NRXN3: variants seen among roughly 807,000 people sequenced by gnomAD.
NRXN3 encodes the protein neurexin III.
In NRXN3, 32 loss-of-function variants were observed where a neutral mutation model predicts 137.6. The observed-to-expected ratio is 0.23, with a 90% confidence interval of 0.18 to 0.31. The LOEUF (loss-of-function observed/expected upper bound fraction) is 0.31. Ranked by LOEUF, NRXN3 falls within the 10% of genes least tolerant of loss-of-function variation. The pLI, the probability that NRXN3 is intolerant of heterozygous loss-of-function variation, is 1.00. For synonymous variants in NRXN3, 798 were observed against 784.5 expected (o/e 1.02, Z -0.29); for missense variants, 1,574 against 2,062.5 (o/e 0.76, Z 4.59).
At chr14:78,603,444 G>T (rs114994804) in intron 4 of NRXN3, among the ~76,000 whole-genome samples, 3 of 152,192 alleles carry the variant, frequency 2.0e-5, no homozygotes, top group African/African-American at 7.2e-5. Flanking sequence ...CGTGCCACTT[G>T]TGAAAACACA....
intron 4 of NRXN3, among the ~76,000 whole-genome samples, chr14:78,539,075 G>GT (rs1600138423): frequency 6.6e-6 from 1 of 151,900 alleles, no homozygotes; most frequent in Non-Finnish European, 1.5e-5. Context: ...CTGAAATTCT[G>GT]TTTTTTTGTT....
chr14:79,282,211 T>TG, intron 15 of NRXN3, among the ~76,000 whole-genome samples: 1 of 149,436 alleles, frequency 6.7e-6, no homozygotes, highest in Middle Eastern at 3.4e-3. Context: ...GGAGAGGGAC[T>TG]GGGGGGAGCG....
At chr14:79,217,732 C>A (rs533065973) in intron 15 of NRXN3, among the ~76,000 whole-genome samples, 4 of 152,106 alleles carry the variant, frequency 2.6e-5, no homozygotes, top group Non-Finnish European at 5.9e-5. Flanking sequence ...CTCCCTCCCC[C>A]AGAAACACTG....
chr14:78,773,186 A>T (rs1394343517), intron 8 of NRXN3, among the ~76,000 whole-genome samples: 1 of 152,174 alleles, frequency 6.6e-6, no homozygotes, highest in African/African-American at 2.4e-5. Context: ...CTAATTCTGG[A>T]TGCTTTTGTG....
intron 14 of NRXN3, among the ~76,000 whole-genome samples, chr14:78,980,187 G>C (rs1031415002): frequency 1.1e-4 from 17 of 152,274 alleles, no homozygotes; most frequent in African/African-American, 4.1e-4. Flanking sequence ...GCCTCACCTG[G>C]TCCCCACTCC....
At chr14:78,217,170 A>G (rs1321168755) in intron 1 of NRXN3, among the ~76,000 whole-genome samples, 1 of 152,210 alleles carries the variant, frequency 6.6e-6, no homozygotes, top group Non-Finnish European at 1.5e-5. Context: ...TATAGTTCTC[A>G]TAGATGGTAG....
At chr14:79,142,020 T>C (rs997847919) in intron 15 of NRXN3, among the ~76,000 whole-genome samples, 1 of 152,240 alleles carries the variant, frequency 6.6e-6, no homozygotes, top group African/African-American at 2.4e-5. Context: ...TATAAAGTAC[T>C]GTGTGAGCAC....
At chr14:79,486,767 C>G (rs892126630) in intron 16 of NRXN3, among the ~76,000 whole-genome samples, 1 of 152,128 alleles carries the variant, frequency 6.6e-6, no homozygotes, top group African/African-American at 2.4e-5. Flanking sequence ...GCTGGAATCT[C>G]AGGAAAATGG....
chr14:78,721,783 A>T (rs902312625), intron 8 of NRXN3, among the ~76,000 whole-genome samples: 1 of 152,056 alleles, frequency 6.6e-6, no homozygotes, highest in Admixed American at 6.6e-5. Flanking sequence ...AATGACATGT[A>T]TCTGAGAAAG....
chr14:79,144,518 A>G (rs1454044220), intron 15 of NRXN3, among the ~76,000 whole-genome samples: 1 of 152,092 alleles, frequency 6.6e-6, no homozygotes, highest in Non-Finnish European at 1.5e-5. Context: ...TTTACCACCC[A>G]TCATGCTCTG....
chr14:79,401,184 A>G (rs2095182874), intron 15 of NRXN3, among the ~76,000 whole-genome samples: 1 of 152,210 alleles, frequency 6.6e-6, no homozygotes, highest in African/African-American at 2.4e-5. Flanking sequence ...ATTTTCAAAA[A>G]TAAATTTTGG....
chr14:78,722,460 C>T (rs967351040), intron 8 of NRXN3, among the ~76,000 whole-genome samples: 1 of 152,186 alleles, frequency 6.6e-6, no homozygotes, highest in African/African-American at 2.4e-5. Flanking sequence ...AAACACAACA[C>T]AAGGGGATTG....
intron 15 of NRXN3, among the ~76,000 whole-genome samples, chr14:79,247,813 A>G (rs1049812385): frequency 2.0e-5 from 3 of 151,984 alleles, no homozygotes; most frequent in Non-Finnish European, 2.9e-5. Flanking sequence ...TAACCTTTTC[A>G]AAACCCAGGA....
At chr14:78,744,234 C>T (rs746458) in intron 8 of NRXN3, among the ~76,000 whole-genome samples, 39,731 of 152,076 alleles carry the variant, frequency 0.26, 5,615 homozygotes, top group African/African-American at 0.35. Context: ...CTCCGCCTCC[C>T]GGGTTCAAGG....
intron 20 of NRXN3, among the ~76,000 whole-genome samples, chr14:79,812,564 C>T (rs950294858): frequency 7.2e-5 from 11 of 152,098 alleles, no homozygotes; most frequent in Non-Finnish European, 1.5e-4. Context: ...TTCAACTAAC[C>T]CCAAGGAGCA....
At chr14:78,334,696 G>A (rs966198416) in intron 4 of NRXN3, among the ~76,000 whole-genome samples, 2 of 152,116 alleles carry the variant, frequency 1.3e-5, no homozygotes, top group African/African-American at 2.4e-5. Context: ...AGAAGTTTAC[G>A]TACCACAGTC....
chr14:78,799,842 T>C (rs2153073457), intron 8 of NRXN3, among the ~76,000 whole-genome samples: 1 of 152,168 alleles, frequency 6.6e-6, no homozygotes, highest in South Asian at 2.1e-4. Context: ...ATGAGACTTA[T>C]TCACTACCAT....
At chr14:79,695,118 C>G (rs572987040) in intron 18 of NRXN3, among the ~76,000 whole-genome samples, 1 of 151,990 alleles carries the variant, frequency 6.6e-6, no homozygotes, top group South Asian at 2.1e-4. Context: ...TTGGGTCAGT[C>G]TTGAACAGGC....
At chr14:79,009,689 C>T (rs116154577) in intron 15 of NRXN3, among the ~76,000 whole-genome samples, 2,396 of 152,130 alleles carry the variant, frequency 0.016, 50 homozygotes, top group African/African-American at 0.044. Context: ...GATTGAAACC[C>T]GTCTTATAAA....
Sources: gnomAD v4.1 joint callset for allele counts (sites outside exome capture counted in the v4.1 genomes callset) on GRCh38, gnomAD v4.1.1 for gene constraint, MANE v1.5 for transcripts, NCBI Gene and HGNC (gene_info 2026-07-23, HGNC 2026-07-21) for gene names.